The following ULK4 variants were observed in gnomAD, a reference collection of about 807,000 sequenced individuals.
ULK4 encodes unc-51 like kinase 4.
Under a neutral mutation model 160.6 loss-of-function variants are expected in ULK4, and 133 were observed. The ratio of observed to expected loss-of-function variants is 0.83; its 90% CI spans 0.72 to 0.96. ULK4 has a LOEUF of 0.96. Among genes scored for constraint, ULK4 ranks in the 40% least tolerant of loss-of-function variants. The probability of loss-of-function intolerance (pLI) is 0.00; values close to 1 mark genes in which losing one functional copy is unlikely to be tolerated. For synonymous variants in ULK4, 534 were observed against 539.8 expected (o/e 0.99, Z 0.15); for missense variants, 1,580 against 1,499.5 (o/e 1.05, Z -0.89).
chr3:41,448,157 A>G (rs1208450361), intron 34 of ULK4, among the ~76,000 whole-genome samples: 1 of 152,170 alleles, frequency 6.6e-6, no homozygotes, highest in Non-Finnish European at 1.5e-5. Flanking sequence ...TAGGGTTTAC[A>G]GCTTAGTGGG....
intron 25 of ULK4, among the ~76,000 whole-genome samples, chr3:41,714,762 G>C (rs987006381): frequency 6.6e-6 from 1 of 150,476 alleles, no homozygotes; most frequent in African/African-American, 2.5e-5. Context: ...TGGGTCAGGA[G>C]AATCGCTTGA....
At position 41,948,722 on chromosome 3, in the gene ULK4, T is replaced by TAA. The variant is rs11414127; in HGVS notation, c.138+5898_138+5899dup. Among the ~76,000 whole-genome samples the TAA allele has an allele frequency of 3.0e-3, 401 of 134,496 alleles. 1 individual carries two copies. Among genetic ancestry groups the TAA allele is most frequent in the South Asian group, 0.014 (58 of 4,194 alleles). The allele number at this position is 134,496 out of a possible 152,430, so 88.2% of individuals were successfully genotyped here. The stretch of plus-strand genomic sequence containing the variant: ...GCACTTGGCAAAATTCAACAACCTT[T>TAA]AAAAAAAAAAAAAAAACTCCAAAAG... On this transcript the variant is annotated intron_variant, in intron 2 of 36. Transcript: ENST00000301831.
chr3:41,730,613 T>C (rs2037790477), intron 22 of ULK4, among the ~76,000 whole-genome samples: 1 of 152,180 alleles, frequency 6.6e-6, no homozygotes, highest in African/African-American at 2.4e-5. Flanking sequence ...GTAATAAGAC[T>C]GAATCGATAA....
At chr3:41,557,925 C>T (rs1795356) in intron 32 of ULK4, among the ~76,000 whole-genome samples, 69,393 of 151,822 alleles carry the variant, frequency 0.46, 16,557 homozygotes, top group Middle Eastern at 0.56. Flanking sequence ...AACTACAAAA[C>T]ATCTCTGAAG....
At chr3:41,491,718 CTTTATT>C (rs1350808095) in intron 32 of ULK4, among the ~76,000 whole-genome samples, 2 of 151,418 alleles carry the variant, frequency 1.3e-5, no homozygotes, top group East Asian at 1.9e-4. Context: ...TATTCATTTG[CTTTATT>C]TTTATTTCTT....
intron 19 of ULK4, among the ~76,000 whole-genome samples, chr3:41,802,297 AG>A (rs1254945176): frequency 6.6e-6 from 1 of 152,158 alleles, no homozygotes; most frequent in African/African-American, 2.4e-5. Context: ...CATAAGCTGC[AG>A]CTGCTGTTTT....
intron 32 of ULK4, among the ~76,000 whole-genome samples, chr3:41,521,605 A>G (rs1256013371): frequency 1.3e-5 from 2 of 152,222 alleles, no homozygotes; most frequent in African/African-American, 4.8e-5. Flanking sequence ...CAGGTGATAC[A>G]GTCTTGAAAT....
intron 4 of ULK4, among the ~76,000 whole-genome samples, chr3:41,935,209 ATTTTTTTTTTTTTTTTTTTTTTTTT>A (rs10524611): frequency 0.78 from 105,313 of 135,636 alleles, 40,943 homozygotes; most frequent in East Asian, 0.86. Context: ...TTATTTATTT[ATTTTTTTTTTTTTTTTTTTTTTTTT>A]TTTTTTTTTT....
intron 35 of ULK4, among the ~76,000 whole-genome samples, chr3:41,303,170 T>G (rs751565730): frequency 3.7e-4 from 56 of 152,338 alleles, no homozygotes; most frequent in Middle Eastern, 3.4e-3. Context: ...TAAGTGATTT[T>G]GACTCACGCT....
intron 17 of ULK4, among the ~76,000 whole-genome samples, chr3:41,862,029 C>G (rs2042509463): frequency 6.6e-6 from 1 of 152,004 alleles, no homozygotes; most frequent in South Asian, 2.1e-4. Flanking sequence ...CCAGGCTGGT[C>G]TCAAACTCCT....
intron 32 of ULK4, among the ~76,000 whole-genome samples, chr3:41,505,100 G>A (rs1470640346): frequency 6.6e-6 from 1 of 152,104 alleles, no homozygotes; most frequent in Non-Finnish European, 1.5e-5. Flanking sequence ...ATACCAGTAA[G>A]CTACTATCTG....
At chr3:41,852,547 T>G (rs1451616827) in intron 17 of ULK4, among the ~76,000 whole-genome samples, 1 of 151,904 alleles carries the variant, frequency 6.6e-6, no homozygotes, top group Non-Finnish European at 1.5e-5. Flanking sequence ...CATACTTAAA[T>G]TTGCAAGACG....
At chr3:41,286,838 C>G (rs765972759) in intron 35 of ULK4, among the ~76,000 whole-genome samples, 2 of 152,184 alleles carry the variant, frequency 1.3e-5, no homozygotes, top group Non-Finnish European at 1.5e-5. Context: ...TCTGTAAAAC[C>G]TTCAGCCTGG....
chr3:41,490,200 A>G lies in ULK4; in HGVS notation c.3227-26947T>C, dbSNP rs2084699043. 3.3e-5 allele frequency among the ~76,000 whole-genome samples: 5 copies of G among 152,256 alleles called. No homozygotes were observed. In the South Asian group the frequency reaches 1.0e-3, roughly 32 times the overall value. Reference sequence around the variant, plus strand: ...ACAGTTCTCTCTGCCTCTGATCTCCATCACATGATTGGGGCAGCTAATCAT... The same window carrying G: ...ACAGTTCTCTCTGCCTCTGATCTCCGTCACATGATTGGGGCAGCTAATCAT... On this transcript the variant is annotated intron_variant, in intron 32 of 36. Transcript: ENST00000301831.
intron 22 of ULK4, among the ~76,000 whole-genome samples, chr3:41,725,589 A>T (rs565451464): frequency 1.3e-5 from 2 of 152,090 alleles, no homozygotes; most frequent in South Asian, 4.2e-4. Flanking sequence ...CTCCACTGAA[A>T]CCCTTAATCT....
chr3:41,587,211 C>T (rs1441007741), intron 31 of ULK4, among the ~76,000 whole-genome samples: 1 of 152,174 alleles, frequency 6.6e-6, no homozygotes. Context: ...ACTCTCAGGT[C>T]CTTGCTCCCT....
intron 3 of ULK4, 51 bp from the exon 4 acceptor site, chr3:41,935,991 G>C: frequency 1.3e-6 from 2 of 1,513,148 alleles, no homozygotes; most frequent in Non-Finnish European, 1.8e-6. Flanking sequence ...CCATCACAGA[G>C]TGCCCCTGAG....
chr3:41,641,570 T>A (rs190669226), intron 30 of ULK4, among the ~76,000 whole-genome samples: 15 of 152,282 alleles, frequency 9.9e-5, no homozygotes, highest in Admixed American at 3.9e-4. Context: ...AATGATAATG[T>A]GTCTGTAGTC....
At chr3:41,248,443 A>G (rs1255320830) in intron 36 of ULK4, among the ~76,000 whole-genome samples, 1 of 152,046 alleles carries the variant, frequency 6.6e-6, no homozygotes, top group Non-Finnish European at 1.5e-5. Flanking sequence ...ATGAATACGA[A>G]CTTACTTCTA....
Sources: allele counts gnomAD v4.1 joint callset (sites outside exome capture counted in the v4.1 genomes callset), GRCh38; gene constraint gnomAD v4.1.1; transcripts MANE v1.5; gene names NCBI Gene and HGNC (gene_info 2026-07-23, HGNC 2026-07-21).